The following ATP13A4 variants were observed in gnomAD, a reference collection of about 807,000 sequenced individuals.
ATP13A4 encodes ATPase 13A4.
In ATP13A4, 114 loss-of-function variants were observed where a neutral mutation model predicts 142.5. The ratio of observed to expected loss-of-function variants is 0.80; its 90% CI spans 0.69 to 0.93. The LOEUF (loss-of-function observed/expected upper bound fraction) is 0.93. Ranked by LOEUF, ATP13A4 falls within the 40% of genes least tolerant of loss-of-function variation. The pLI, the probability that ATP13A4 is intolerant of heterozygous loss-of-function variation, is 0.00. For synonymous variants in ATP13A4, 488 were observed against 514.8 expected, an observed-to-expected ratio of 0.95 and a Z score of 0.70; for missense variants, 1,392 against 1,454.0, an observed-to-expected ratio of 0.96 and a Z score of 0.69.
intron 28 of ATP13A4, among the ~76,000 whole-genome samples, chr3:193,407,873 C>CT (rs1714581204): frequency 6.6e-6 from 1 of 152,246 alleles, no homozygotes; most frequent in Non-Finnish European, 1.5e-5. Context: ...TGTCCCGTCT[C>CT]TCCCCAGCCA....
chr3:193,556,895 T>C (rs112267891), upstream of ATP13A4, among the ~76,000 whole-genome samples: 2 of 152,334 alleles, frequency 1.3e-5, no homozygotes, highest in African/African-American at 4.8e-5. Context: ...CCAAATTTCA[T>C]CTCAACTGAT....
At chr3:193,457,752 A>G (rs1487216498) in intron 14 of ATP13A4, among the ~76,000 whole-genome samples, 1 of 152,246 alleles carries the variant, frequency 6.6e-6, no homozygotes, top group Non-Finnish European at 1.5e-5. Flanking sequence ...TGAAGAGCCT[A>G]GCTTGAAAGC....
chr3:193,477,591 C>T (rs1719041361), intron 8 of ATP13A4, among the ~76,000 whole-genome samples: 1 of 152,088 alleles, frequency 6.6e-6, no homozygotes, highest in Non-Finnish European at 1.5e-5. Flanking sequence ...GTTATAGACA[C>T]TGAACATCAA....
chr3:193,445,435 C>T (rs1213653270), intron 18 of ATP13A4, among the ~76,000 whole-genome samples: 3 of 148,940 alleles, frequency 2.0e-5, no homozygotes, highest in African/African-American at 7.5e-5. Context: ...GACTCTGTCT[C>T]AAAAAAATAT....
chr3:193,458,075 C>T (rs997160167), intron 14 of ATP13A4, among the ~76,000 whole-genome samples: 4 of 152,170 alleles, frequency 2.6e-5, no homozygotes, highest in Non-Finnish European at 5.9e-5. Flanking sequence ...GATATGGAAT[C>T]AGTAACCCAG....
chr3:193,432,875 T>A (rs1197614048), intron 25 of ATP13A4, among the ~76,000 whole-genome samples: 1 of 152,116 alleles, frequency 6.6e-6, no homozygotes, highest in African/African-American at 2.4e-5. Context: ...ATATTCTGTG[T>A]GATAATATAA....
chr3:193,559,837 G>A (rs902903832), upstream of ATP13A4, among the ~76,000 whole-genome samples: 2 of 152,182 alleles, frequency 1.3e-5, no homozygotes, highest in African/African-American at 4.8e-5. Context: ...CTGGAGGTAA[G>A]GCAGCTCCCC....
chr3:193,484,630 A>C (rs1483848032), intron 7 of ATP13A4, among the ~76,000 whole-genome samples: 1 of 152,176 alleles, frequency 6.6e-6, no homozygotes, highest in African/African-American at 2.4e-5. Context: ...GAATCTGATA[A>C]ATATGTTCTA....
chr3:193,469,836 C>T (rs1015712202), intron 9 of ATP13A4, among the ~76,000 whole-genome samples: 8 of 152,070 alleles, frequency 5.3e-5, no homozygotes, highest in African/African-American at 1.4e-4. Flanking sequence ...AATAGAAAGT[C>T]GGAGTTGCAT....
intron 8 of ATP13A4, among the ~76,000 whole-genome samples, chr3:193,474,045 C>T (rs939064623): frequency 6.6e-6 from 1 of 151,992 alleles, no homozygotes; most frequent in Non-Finnish European, 1.5e-5. Context: ...AGAGGCCAGG[C>T]GCGGTGGCTC....
intron 2 of ATP13A4, among the ~76,000 whole-genome samples, chr3:193,504,490 A>C (rs1720750664): frequency 6.6e-6 from 1 of 152,210 alleles, no homozygotes. Flanking sequence ...TGTCAAAAAC[A>C]CTATGGAATT....
intron 8 of ATP13A4, among the ~76,000 whole-genome samples, chr3:193,482,758 T>A (rs1300890767): frequency 6.6e-6 from 1 of 152,208 alleles, no homozygotes; most frequent in Non-Finnish European, 1.5e-5. Context: ...CCAAGTGTTG[T>A]CAAGAATGTG....
chr3:193,412,934 T>A (rs1714847836), intron 26 of ATP13A4, among the ~76,000 whole-genome samples: 1 of 152,056 alleles, frequency 6.6e-6, no homozygotes, highest in African/African-American at 2.4e-5. Flanking sequence ...TGAGGCAGGA[T>A]AATTGCTTGA....
At chr3:193,459,378 T>G in intron 13 of ATP13A4, 147 bp from the exon 14 acceptor site, 1 of 1,070,976 alleles carries the variant, frequency 9.3e-7, no homozygotes, top group Non-Finnish European at 1.4e-6. Context: ...ACATTAATAG[T>G]GCTTCATTCA....
chr3:193,431,014 G>A (rs1309656027), intron 25 of ATP13A4, among the ~76,000 whole-genome samples: 1 of 151,982 alleles, frequency 6.6e-6, no homozygotes, highest in Non-Finnish European at 1.5e-5. Flanking sequence ...AAAATGGAGG[G>A]GGGGAATCAC....
At chr3:193,473,627 T>A (rs976171679) in intron 8 of ATP13A4, among the ~76,000 whole-genome samples, 6 of 152,182 alleles carry the variant, frequency 3.9e-5, no homozygotes, top group Non-Finnish European at 8.8e-5. Context: ...TTTAATTAAG[T>A]AATATAAGTT....
chr3:193,503,995 A>ATGTGTGTGTGTGTGTGTGTGTGTG lies in ATP13A4; in HGVS notation c.235-1380_235-1357dup, dbSNP rs554927410. 2.2e-3 allele frequency among the ~76,000 whole-genome samples: 295 copies of ATGTGTGTGTGTGTGTGTGTGTGTG among 136,094 alleles called. 2 individuals carry two copies. Among genetic ancestry groups the ATGTGTGTGTGTGTGTGTGTGTGTG allele is most frequent in the African/African-American group, 8.0e-3 (283 of 35,560 alleles). The allele number at this position is 136,094 out of a possible 152,430, so 89.3% of individuals were successfully genotyped here. ...CAGGCTTAGCACAGGTTCTGTGTGC[A>ATGTGTGTGTGTGTGTGTGTGTGTG]TGTGTGTGTGTGTGTGTGTGTGTGT... On this transcript the variant is annotated intron_variant, in intron 2 of 29. Transcript: ENST00000342695.
chr3:193,500,496 G>A (rs911858198), intron 3 of ATP13A4, among the ~76,000 whole-genome samples: 1 of 152,190 alleles, frequency 6.6e-6, no homozygotes, highest in Admixed American at 6.5e-5. Context: ...TCTTGGGGAT[G>A]CGGTGATGGT....
chr3:193,418,406 C>CCAAA (rs1286597256), intron 25 of ATP13A4, among the ~76,000 whole-genome samples: 2 of 149,018 alleles, frequency 1.3e-5, no homozygotes, highest in Non-Finnish European at 3.0e-5. Context: ...ACAAAGACAA[C>CCAAA]CAAAACAACA....
Sources: allele counts gnomAD v4.1 joint callset (sites outside exome capture counted in the v4.1 genomes callset), GRCh38; gene constraint gnomAD v4.1.1; transcripts MANE v1.5; gene names NCBI Gene and HGNC (gene_info 2026-07-23, HGNC 2026-07-21).